Variants in LAMA2 observed in about 807,000 individuals in gnomAD.
LAMA2 encodes the protein laminin subunit alpha-2.
LAMA2 carries 269 observed loss-of-function variants against 364.8 expected under a neutral mutation model. The ratio of observed to expected loss-of-function variants is 0.74; its 90% CI spans 0.67 to 0.82. The LOEUF (loss-of-function observed/expected upper bound fraction) is 0.82. Ranked by LOEUF, LAMA2 falls within the 40% of genes least tolerant of loss-of-function variation. The pLI, the probability that LAMA2 is intolerant of heterozygous loss-of-function variation, is 0.00. For missense variants in LAMA2, 3,807 were observed against 3,873.2 expected (o/e 0.98, Z 0.45); for synonymous variants, 1,379 against 1,370.6 (o/e 1.01, Z -0.14).
intron 1 of LAMA2, chr6:128,929,851 G>T: frequency 9.9e-7 from 1 of 1,007,936 alleles, no homozygotes; most frequent in South Asian, 1.3e-5. Flanking sequence ...TGAAAAACTT[G>T]CCTGAAGACT....
At chr6:128,956,771 G>T (rs550791678) in intron 1 of LAMA2, among the ~76,000 whole-genome samples, 1 of 151,360 alleles carries the variant, frequency 6.6e-6, no homozygotes. Flanking sequence ...TTCATGTTTG[G>T]TTCTCCACTA....
At chr6:129,388,928 G>A (rs1461510392) in intron 35 of LAMA2, among the ~76,000 whole-genome samples, 1 of 152,142 alleles carries the variant, frequency 6.6e-6, no homozygotes, top group African/African-American at 2.4e-5. Flanking sequence ...AATCTAAGAA[G>A]CAGAAAGCTT....
intron 12 of LAMA2, among the ~76,000 whole-genome samples, chr6:129,232,502 A>AT (rs924711419): frequency 1.3e-5 from 2 of 151,860 alleles, no homozygotes. Context: ...TACATTCCTG[A>AT]TTTTTTTCTC....
intron 51 of LAMA2, among the ~76,000 whole-genome samples, chr6:129,472,465 GATCA>G (rs1783859403): frequency 6.6e-6 from 1 of 151,926 alleles, no homozygotes; most frequent in Non-Finnish European, 1.5e-5. Context: ...TAGTGAGAGG[GATCA>G]ATGAGATAAG....
chr6:129,095,632 C>T (rs994437535), intron 3 of LAMA2, among the ~76,000 whole-genome samples: 6 of 151,720 alleles, frequency 4.0e-5, no homozygotes, highest in East Asian at 1.9e-4. Context: ...ACAAGCTGGC[C>T]GGGCACGGTG....
At chr6:128,902,694 T>G (rs1777164692) in intron 1 of LAMA2, among the ~76,000 whole-genome samples, 1 of 152,098 alleles carries the variant, frequency 6.6e-6, no homozygotes, top group African/African-American at 2.4e-5. Context: ...TGTTGTTGTT[T>G]TTAGAGACAG....
Position 129,359,260 on chromosome 6 carries a change from AAC to A in LAMA2, c.4717+5907_4717+5908del, listed in dbSNP as rs539709234. 6.5e-3 allele frequency among the ~76,000 whole-genome samples: 871 copies of A among 134,098 alleles called. 7 individuals carry two copies. Among genetic ancestry groups the A allele is most frequent in the African/African-American group, 0.022 (815 of 36,492 alleles). 88.0% of individuals were successfully genotyped at this position (134,098 alleles called of 152,430 possible). ...ATAGAATTTTATTTAATATATATAA[AAC>A]ACATATATCAATATTTAATATATAA... On this transcript the variant is annotated intron_variant, in intron 32 of 64. Coordinates refer to ENST00000421865, the MANE Select transcript of LAMA2 (RefSeq NM_000426.4).
chr6:129,087,392 A>C (rs1196540701), intron 3 of LAMA2, among the ~76,000 whole-genome samples: 1 of 152,218 alleles, frequency 6.6e-6, no homozygotes, highest in Non-Finnish European at 1.5e-5. Context: ...AAAAAGCTCT[A>C]ATTAACAAGA....
intron 1 of LAMA2, among the ~76,000 whole-genome samples, chr6:128,923,244 A>G (rs1228834702): frequency 2.0e-5 from 3 of 151,412 alleles, no homozygotes; most frequent in Non-Finnish European, 4.4e-5. Flanking sequence ...AACTCTGTGA[A>G]GAAAGTCATT....
At chr6:129,399,682 C>A (rs2876041) in intron 37 of LAMA2, among the ~76,000 whole-genome samples, 39,257 of 151,890 alleles carry the variant, frequency 0.26, 5,308 homozygotes, top group African/African-American at 0.31. Flanking sequence ...GGAGGGAGGA[C>A]ACAAGCCAAA....
chr6:129,091,053 A>C (rs1774791647), intron 3 of LAMA2, among the ~76,000 whole-genome samples: 1 of 152,124 alleles, frequency 6.6e-6, no homozygotes. Context: ...CTTCCAAATC[A>C]CATTTATAAT....
chr6:129,138,812 G>A (rs1453176644), intron 4 of LAMA2, among the ~76,000 whole-genome samples: 1 of 152,084 alleles, frequency 6.6e-6, no homozygotes, highest in Non-Finnish European at 1.5e-5. Flanking sequence ...GAGCTTCAAT[G>A]GGATTACTAA....
At chr6:129,441,047 G>C (rs371955364) in intron 43 of LAMA2, 49 bp downstream of exon 43, 13 of 1,507,438 alleles carry the variant, frequency 8.6e-6, no homozygotes, top group Middle Eastern at 1.7e-4. Context: ...TCCTCTCACT[G>C]TAAAAGTATC....
chr6:129,157,916 C>T, intron 8 of LAMA2: 1 of 1,614,184 alleles, frequency 6.2e-7, no homozygotes, highest in South Asian at 1.1e-5. Context: ...GTTTGGTGCC[C>T]ACCCTGGTAT....
intron 1 of LAMA2, among the ~76,000 whole-genome samples, chr6:128,951,759 T>A (rs927307977): frequency 4.6e-5 from 7 of 152,206 alleles, no homozygotes; most frequent in African/African-American, 1.7e-4. Flanking sequence ...GTCACAGAAA[T>A]GTTGTTTATC....
intron 62 of LAMA2, among the ~76,000 whole-genome samples, chr6:129,511,647 T>C (rs764119789): frequency 6.6e-6 from 1 of 152,066 alleles, no homozygotes; most frequent in Non-Finnish European, 1.5e-5. Flanking sequence ...CTCAGTTCAG[T>C]TGGTGTGGTC....
At position 129,447,724 on chromosome 6, in the gene LAMA2, G is replaced by A. The variant is rs1375405546; in HGVS notation, c.6429+1903G>A. 2.6e-5 allele frequency among the ~76,000 whole-genome samples: 4 copies of A among 151,992 alleles called. No homozygotes were observed. In the East Asian group the frequency reaches 7.7e-4, roughly 29 times the overall value. ...GTAGATGAAAGAAAGAAGAATGAAG[G>A]ACCCAACTATAGCTGTGGCAAGAGA... On this transcript the variant is annotated intron_variant, in intron 45 of 64. Coordinates refer to ENST00000421865, the MANE Select transcript of LAMA2 (RefSeq NM_000426.4).
At chr6:129,124,168 A>T (rs889695689) in intron 4 of LAMA2, among the ~76,000 whole-genome samples, 1 of 152,150 alleles carries the variant, frequency 6.6e-6, no homozygotes, top group Admixed American at 6.5e-5. Context: ...ATCTTGGTTA[A>T]TAGTTGAGAT....
intron 41 of LAMA2, among the ~76,000 whole-genome samples, chr6:129,431,578 T>A (rs1717131496): frequency 6.6e-6 from 1 of 152,094 alleles, no homozygotes; most frequent in Non-Finnish European, 1.5e-5. Flanking sequence ...TTGGAGAGCA[T>A]GGACCCCTGC....
Sources: gnomAD v4.1 joint callset for allele counts (sites outside exome capture counted in the v4.1 genomes callset) on GRCh38, gnomAD v4.1.1 for gene constraint, MANE v1.5 for transcripts, NCBI Gene and HGNC (gene_info 2026-07-23, HGNC 2026-07-21) for gene names.